Variants in KIAA0319L observed in about 807,000 individuals in gnomAD.
The protein encoded by KIAA0319L is dyslexia-associated protein KIAA0319-like protein.
In KIAA0319L, 55 loss-of-function variants were observed where a neutral mutation model predicts 120.1. The observed-to-expected ratio is 0.46, with a 90% CI of 0.37 to 0.57. The LOEUF (loss-of-function observed/expected upper bound fraction) is 0.57. Ranked by LOEUF, KIAA0319L falls within the 20% of genes least tolerant of loss-of-function variation. The pLI is 0.00. For synonymous variants in KIAA0319L, 398 were observed against 471.9 expected (o/e 0.84, Z 2.03); for missense variants, 1,049 against 1,255.3 (o/e 0.84, Z 2.48).
intron 3 of KIAA0319L, among the ~76,000 whole-genome samples, chr1:35,483,421 G>C (rs1168551516): frequency 6.6e-6 from 1 of 152,116 alleles, no homozygotes; most frequent in African/African-American, 2.4e-5. Flanking sequence ...TTTTCCTCTA[G>C]AGGTAAGGGT....
chr1:35,451,095 T>C (rs866131138), intron 13 of KIAA0319L, among the ~76,000 whole-genome samples: 23 of 145,624 alleles, frequency 1.6e-4, no homozygotes, highest in Middle Eastern at 6.8e-3. Flanking sequence ...TGCTATCAAC[T>C]TAAGGCCCTC....
intron 3 of KIAA0319L, among the ~76,000 whole-genome samples, chr1:35,495,877 A>AG (rs1237971022): frequency 6.6e-6 from 1 of 152,000 alleles, no homozygotes; most frequent in Admixed American, 6.6e-5. Flanking sequence ...AAAAAAAAAA[A>AG]AAACATGAAT....
chr1:35,457,495 C>CAA lies in KIAA0319L; in HGVS notation c.1428-1256_1428-1255dup, dbSNP rs77520648. Among the ~76,000 whole-genome samples, 15 of 61,070 alleles carry CAA rather than the reference C, an allele frequency of 2.5e-4. No homozygotes were observed. The East Asian group carries it at 3.6e-3, about 15-fold the overall frequency. 40.1% of individuals were successfully genotyped at this position (61,070 alleles called of 152,430 possible). On this transcript the variant is annotated intron_variant, in intron 9 of 20. Coordinates refer to ENST00000325722, the MANE Select transcript of KIAA0319L (RefSeq NM_024874.5). ...TTGTGCCAGTGAGACACAGGATTTG[C>CAA]AAAAAAAAAAAAAAAGAAAGAAAGA...
intron 18 of KIAA0319L, 150 bp from the exon 19 acceptor site, chr1:35,442,486 G>A (rs1641299860): frequency 1.5e-6 from 1 of 670,744 alleles, no homozygotes; most frequent in South Asian, 1.7e-5. Context: ...GTTAAGGGCA[G>A]CTGAAGCTTT....
intron 13 of KIAA0319L, 34 bp downstream of exon 13, chr1:35,451,594 G>A: frequency 6.2e-7 from 1 of 1,604,402 alleles, no homozygotes. Context: ...CTGACCCTAA[G>A]AGGCTGCTAC....
rs1480961091 is a variant in KIAA0319L, at chr1:35,479,181, AG to A, written c.697del (p.Leu233Ter). On this transcript the variant is annotated frameshift_variant, in exon 4 of 21. Transcript: ENST00000325722. LOFTEE classifies it high-confidence loss of function. ...CAGCTCTGCAGTCAGGTCTGTGGTTAGGGGACTGGAAATTGTAATCGCCTTG... is the reference window on the plus strand; with the variant it reads ...CAGCTCTGCAGTCAGGTCTGTGGTTAGGGACTGGAAATTGTAATCGCCTTG... Reference protein sequence around the residue: ...VHKAITISSPLTTDLTAELSG... With the variant: ...VHKAITISSPXTTDLTAELSG... 1.2e-5 allele frequency: 19 copies of A among 1,613,882 alleles called. No individual in the cohort carries two copies. The highest frequency in any genetic ancestry group is 1.6e-5 in the Non-Finnish European group (19 of 1,179,752).
At chr1:35,503,720 C>G (rs1354536303) in intron 3 of KIAA0319L, among the ~76,000 whole-genome samples, 1 of 152,084 alleles carries the variant, frequency 6.6e-6, no homozygotes, top group African/African-American at 2.4e-5. Context: ...CAGGCTTGAA[C>G]TGCGCAGGTT....
intron 3 of KIAA0319L, among the ~76,000 whole-genome samples, chr1:35,487,518 G>A (rs527720681): frequency 6.6e-6 from 1 of 152,326 alleles, no homozygotes; most frequent in East Asian, 1.9e-4. Context: ...GCCTCCCAAA[G>A]TGCTGGCGTA....
At position 35,453,447 on chromosome 1, in the gene KIAA0319L, C is replaced by A. The variant is rs1642204876; in HGVS notation, c.1913+110G>T. 5 of 907,346 alleles carry A rather than the reference C, an allele frequency of 5.5e-6. No homozygotes were observed. Among genetic ancestry groups the A allele is most frequent in the South Asian group, 3.5e-5 (2 of 56,406 alleles). 56.2% of individuals were successfully genotyped at this position (907,346 alleles called of 1,614,324 possible). On this transcript the variant is annotated intron_variant, in intron 12 of 20. Coordinates refer to ENST00000325722, the MANE Select transcript of KIAA0319L (RefSeq NM_024874.5). The surrounding 1 kb of genome is among the most constrained non-coding windows in gnomAD (Gnocchi z 4.1). ...ATTGCAAACATTTCTTCCTCAGTCA[C>A]CCCACTGGATAAGCCAATAAGAGCA...
intron 4 of KIAA0319L, among the ~76,000 whole-genome samples, chr1:35,477,495 A>T (rs773369090): frequency 1.3e-5 from 2 of 151,902 alleles, no homozygotes; most frequent in Non-Finnish European, 2.9e-5. Flanking sequence ...GTGAAACCGC[A>T]TCTCTACTAA....
At chr1:35,454,003 T>C (rs1422568969) in intron 11 of KIAA0319L, among the ~76,000 whole-genome samples, 1 of 152,212 alleles carries the variant, frequency 6.6e-6, no homozygotes, top group African/African-American at 2.4e-5. Flanking sequence ...GAAGTCAGTT[T>C]TAAGCAGGCC....
rs748404749 is a variant in KIAA0319L at position 35,479,109 on chromosome 1, C to G, written c.770G>C (p.Gly257Ala). The G allele has an allele frequency of 1.2e-6, 2 of 1,614,040 alleles. No homozygotes were observed. The highest frequency in any genetic ancestry group is 2.2e-5 in the South Asian group (2 of 91,090). The change falls in exon 4 of 21, where the codon GGT (glycine) becomes GCT (alanine). Residue 257 changes from glycine to alanine, a missense_variant. Physicochemically the swap from Gly to Ala is moderately conservative, Grantham distance 60 (BLOSUM62 0). Coordinates refer to ENST00000325722, the MANE Select transcript of KIAA0319L (RefSeq NM_024874.5). Reference protein sequence around the residue: ...NVSVQPEISEGLATTPSTQQV... With the variant: ...NVSVQPEISEALATTPSTQQV... ...TTGAGTGCTGGGCGTAGTAGCAAGA[C>G]CCTCTGATATTTCAGGTTGCACTGA...
chr1:35,433,585 T>C lies in KIAA0319L; in HGVS notation c.*1309A>G, dbSNP rs1245578552. 2 of 152,320 alleles carry C rather than the reference T, an allele frequency of 1.3e-5. No individual in the cohort carries two copies. Among genetic ancestry groups the C allele is most frequent in the African/African-American group, 2.4e-5 (1 of 41,454 alleles). 9.4% of individuals were successfully genotyped at this position (152,320 alleles called of 1,614,324 possible). ...TCTTTAAAAAGTCACTCCCCCAAAG[T>C]TTCCATTCCCCAATACCCAGATAAC... On this transcript the variant is annotated 3_prime_UTR_variant, in exon 21 of 21. Coordinates refer to ENST00000325722, the MANE Select transcript of KIAA0319L (RefSeq NM_024874.5).
chr1:35,524,629 C>T (rs906826788), intron 2 of KIAA0319L, among the ~76,000 whole-genome samples: 15 of 152,150 alleles, frequency 9.9e-5, no homozygotes, highest in African/African-American at 3.4e-4. Context: ...AATTATCTGA[C>T]AAACTGGATC....
intron 7 of KIAA0319L, among the ~76,000 whole-genome samples, chr1:35,463,962 T>C (rs1374372371): frequency 1.3e-5 from 2 of 152,190 alleles, no homozygotes; most frequent in East Asian, 3.9e-4. Context: ...ATGTAAGACA[T>C]GACTTGCTTC....
chr1:35,463,846 G>A (rs1643068600), intron 7 of KIAA0319L, among the ~76,000 whole-genome samples: 1 of 152,126 alleles, frequency 6.6e-6, no homozygotes. Flanking sequence ...ATGGGGGTGG[G>A]TCTTTCCTGT....
At chr1:35,494,329 A>C (rs1283861217) in intron 3 of KIAA0319L, among the ~76,000 whole-genome samples, 1 of 151,622 alleles carries the variant, frequency 6.6e-6, no homozygotes, top group African/African-American at 2.4e-5. Flanking sequence ...GGCGCCTGTC[A>C]TCCCAGCTAC....
chr1:35,447,945 G>A (rs1177441793), intron 16 of KIAA0319L, among the ~76,000 whole-genome samples: 1 of 152,144 alleles, frequency 6.6e-6, no homozygotes, highest in East Asian at 1.9e-4. Flanking sequence ...ACTAGACTGT[G>A]GTTGTCAAAA....
intron 15 of KIAA0319L, 112 bp from the exon 16 acceptor site, chr1:35,448,444 C>T: frequency 9.7e-7 from 1 of 1,028,032 alleles, no homozygotes; most frequent in Non-Finnish European, 1.5e-6. Context: ...ATTCAGATAT[C>T]CTTCAAATGG....
Sources: gnomAD v4.1 joint callset for allele counts (sites outside exome capture counted in the v4.1 genomes callset) on GRCh38, gnomAD v4.1.1 for gene constraint, Gnocchi (gnomAD v3.1) non-coding constraint, MANE v1.5 for transcripts, NCBI Gene and HGNC (gene_info 2026-07-23, HGNC 2026-07-21) for gene names.